SH3GL3: variants seen among roughly 807,000 people sequenced by gnomAD.
SH3GL3 encodes the protein endophilin-A3.
SH3GL3 carries 33 observed loss-of-function variants against 47.7 expected under a neutral mutation model. That is an observed-to-expected ratio of 0.69 (90% CI 0.52 to 0.92). The LOEUF (loss-of-function observed/expected upper bound fraction) is 0.92. Among genes scored for constraint, SH3GL3 ranks in the 40% least tolerant of loss-of-function variants. The pLI is 0.00. For synonymous variants in SH3GL3, 155 were observed against 148.8 expected (o/e 1.04, Z -0.30); for missense variants, 363 against 417.8 (o/e 0.87, Z 1.14).
chr15:83,449,471 T>C (rs1007697552), intron 1 of SH3GL3, among the ~76,000 whole-genome samples: 1 of 152,210 alleles, frequency 6.6e-6, no homozygotes, highest in Non-Finnish European at 1.5e-5. Flanking sequence ...ACCTCCTCTT[T>C]TGAAAACTTT....
At chr15:83,490,866 T>C in intron 1 of SH3GL3, 1 of 1,614,126 alleles carries the variant, frequency 6.2e-7, no homozygotes, top group Non-Finnish European at 8.5e-7. Flanking sequence ...TAATATGCAA[T>C]CAAGCTAATA....
At chr15:83,578,129 CAAGTA>C (rs2059734182) in intron 6 of SH3GL3, among the ~76,000 whole-genome samples, 1 of 152,090 alleles carries the variant, frequency 6.6e-6, no homozygotes, top group Admixed American at 6.6e-5. Flanking sequence ...TTGATTTGTC[CAAGTA>C]AAGTCAAATG....
intron 1 of SH3GL3, among the ~76,000 whole-genome samples, chr15:83,521,907 A>G (rs763268321): frequency 6.6e-6 from 1 of 152,116 alleles, no homozygotes; most frequent in Non-Finnish European, 1.5e-5. Context: ...ATTTATATGC[A>G]TTCATTTTTG....
intron 8 of SH3GL3, among the ~76,000 whole-genome samples, chr15:83,601,130 T>C (rs1253668988): frequency 6.6e-6 from 1 of 152,206 alleles, no homozygotes; most frequent in African/African-American, 2.4e-5. Flanking sequence ...TATACAATTA[T>C]ATCATCAGCA....
At chr15:83,466,599 G>T (rs756608464) in intron 1 of SH3GL3, among the ~76,000 whole-genome samples, 1 of 152,188 alleles carries the variant, frequency 6.6e-6, no homozygotes, top group Non-Finnish European at 1.5e-5. Context: ...ATGCTACGCT[G>T]AATCTGTTTA....
chr15:83,527,199 G>T (rs981940370), intron 1 of SH3GL3, among the ~76,000 whole-genome samples: 2 of 151,998 alleles, frequency 1.3e-5, no homozygotes, highest in African/African-American at 4.8e-5. Flanking sequence ...TGTAGCTATT[G>T]GATGAAATGT....
chr15:83,552,028 A>G (rs1302501900), intron 1 of SH3GL3, among the ~76,000 whole-genome samples: 2 of 152,184 alleles, frequency 1.3e-5, no homozygotes, highest in Non-Finnish European at 2.9e-5. Context: ...TCTCATTTAT[A>G]TAATTGCTTC....
Position 83,617,641 on chromosome 15 carries a change from A to G in SH3GL3, c.839-441A>G, listed in dbSNP as rs1306232737. 5.9e-5 allele frequency among the ~76,000 whole-genome samples: 9 copies of G among 152,292 alleles called. No individual in the cohort carries two copies. The East Asian group carries it at 1.7e-3, about 29-fold the overall frequency. On this transcript the variant is annotated intron_variant, in intron 8 of 8. Transcript: ENST00000427482. ...CAGTAAGCCAGGATCGCACCATTGC[A>G]CTCCAGCCTGGGCAACAGAGCAAGA...
At chr15:83,525,062 T>C (rs1005283725) in intron 1 of SH3GL3, among the ~76,000 whole-genome samples, 12 of 152,200 alleles carry the variant, frequency 7.9e-5, no homozygotes, top group African/African-American at 2.9e-4. Flanking sequence ...GTTCTATTTT[T>C]AGTTTTTTGA....
chr15:83,529,544 G>A (rs1398588362), intron 1 of SH3GL3, among the ~76,000 whole-genome samples: 2 of 152,132 alleles, frequency 1.3e-5, no homozygotes, highest in Non-Finnish European at 2.9e-5. Context: ...CCTGGGTGAT[G>A]TACTCAGGCA....
At chr15:83,523,690 T>TA (rs1315157353) in intron 1 of SH3GL3, among the ~76,000 whole-genome samples, 3 of 152,222 alleles carry the variant, frequency 2.0e-5, no homozygotes, top group Non-Finnish European at 4.4e-5. Flanking sequence ...GTATCCAACA[T>TA]AGCCTAAACT....
chr15:83,453,672 A>G (rs1464491320), intron 1 of SH3GL3, among the ~76,000 whole-genome samples: 2 of 124,212 alleles, frequency 1.6e-5, no homozygotes, highest in African/African-American at 6.0e-5. Context: ...ATCATTTTTT[A>G]TTGTGTCTAT....
intron 1 of SH3GL3, among the ~76,000 whole-genome samples, chr15:83,511,374 G>A (rs961167736): frequency 3.3e-5 from 5 of 152,198 alleles, no homozygotes; most frequent in Admixed American, 2.0e-4. Flanking sequence ...CAAAGTGTTC[G>A]CTGGTTCTTA....
chr15:83,541,312 A>ACTTTT (rs2044146613), intron 1 of SH3GL3, among the ~76,000 whole-genome samples: 1 of 47,340 alleles, frequency 2.1e-5, no homozygotes, highest in Non-Finnish European at 4.1e-5. Context: ...TGGTAATTCT[A>ACTTTT]TTTTTTTTTT....
At chr15:83,487,605 C>A (rs2041665228) in intron 1 of SH3GL3, among the ~76,000 whole-genome samples, 1 of 152,134 alleles carries the variant, frequency 6.6e-6, no homozygotes, top group South Asian at 2.1e-4. Context: ...TGGTCATAGG[C>A]ATCAGACTGT....
the SH3GL3 span, among the ~76,000 whole-genome samples, chr15:83,624,113 C>G: frequency 3.9e-5 from 6 of 152,222 alleles, no homozygotes; most frequent in South Asian, 8.3e-4. Flanking sequence ...CATATGTTGC[C>G]GGATGTGTTT....
chr15:83,586,754 A>G (rs541801767), intron 6 of SH3GL3, among the ~76,000 whole-genome samples: 57 of 152,328 alleles, frequency 3.7e-4, no homozygotes, highest in Non-Finnish European at 7.1e-4. Flanking sequence ...ATTGAGTTAA[A>G]TCAAATTCAT....
chr15:83,495,069 A>G (rs756016034), intron 1 of SH3GL3, among the ~76,000 whole-genome samples: 8 of 152,064 alleles, frequency 5.3e-5, no homozygotes, highest in Non-Finnish European at 1.2e-4. Flanking sequence ...CAGAGGGTGT[A>G]TGGGGGTTCC....
chr15:83,543,078 A>G (rs1198492024), intron 1 of SH3GL3, among the ~76,000 whole-genome samples: 1 of 151,752 alleles, frequency 6.6e-6, no homozygotes, highest in African/African-American at 2.4e-5. Flanking sequence ...ACAGGCTTGC[A>G]TTTTTTCCTC....
Sources: allele counts gnomAD v4.1 joint callset (sites outside exome capture counted in the v4.1 genomes callset), GRCh38; gene constraint gnomAD v4.1.1; transcripts MANE v1.5; gene names NCBI Gene and HGNC (gene_info 2026-07-23, HGNC 2026-07-21).